The following TP53INP1 variants were observed in gnomAD, a reference collection of about 807,000 sequenced individuals.
TP53INP1 encodes the protein tumor protein p53 inducible nuclear protein 1.
TP53INP1 carries 12 observed loss-of-function variants against 21.0 expected under a neutral mutation model. The observed-to-expected ratio is 0.57, with a 90% confidence interval of 0.37 to 0.93. The LOEUF is 0.93. TP53INP1 is among the 40% of genes least tolerant of loss of function. The pLI is 0.01. For missense variants in TP53INP1, 274 were observed against 294.7 expected, an observed-to-expected ratio of 0.93 and a Z score of 0.51; for synonymous variants, 91 against 94.8, an observed-to-expected ratio of 0.96 and a Z score of 0.23.
In TP53INP1 at chr8:94,939,682, G is replaced by C. The variant is rs780224212; in HGVS notation, c.473+178C>G. The C allele has an allele frequency of 1.1e-5, 9 of 837,548 alleles. No individual in the cohort carries two copies. The African/African-American group carries it at 1.4e-4, about 13-fold the overall frequency. The allele number at this position is 837,548 out of a possible 1,614,324, so 51.9% of individuals were successfully genotyped here. ...CAAAGTGCTGGGATTACAGGTGTGA[G>C]ACACTGTGACTGGTCAACAAGTTAT... On this transcript the variant is annotated intron_variant, in intron 3 of 3. Transcript: ENST00000342697.
At chr8:94,938,040 A>G (rs1586725526) in intron 3 of TP53INP1, among the ~76,000 whole-genome samples, 1 of 152,200 alleles carries the variant, frequency 6.6e-6, no homozygotes, top group East Asian at 1.9e-4. Flanking sequence ...ATGAATAAAT[A>G]GGTTATGAAT....
In TP53INP1 at chr8:94,940,294, C is replaced by T. The variant is rs573396175; in HGVS notation, c.113-74G>A. 3.3e-6 allele frequency: 5 copies of T among 1,497,390 alleles called. No individual in the cohort carries two copies. The African/African-American group carries it at 4.2e-5, about 13-fold the overall frequency. 92.8% of individuals were successfully genotyped at this position (1,497,390 alleles called of 1,614,324 possible). On this transcript the variant is annotated intron_variant, in intron 2 of 3. Transcript: ENST00000342697. ...ACAGGAGGATGATTATCACATTGGG[C>T]AGTCATTATAAAGTCACCCATCAAA...
intron 1 of TP53INP1, among the ~76,000 whole-genome samples, 198 bp from the exon 2 acceptor site, chr8:94,941,289 A>T (rs1821507006): frequency 6.6e-6 from 1 of 152,184 alleles, no homozygotes; most frequent in Admixed American, 6.5e-5. Flanking sequence ...TTCAACCTAT[A>T]AATATCTTAA....
chr8:94,948,775 T>TGAGGAGGGGTGAGAG (rs1822252263), intron 1 of TP53INP1, among the ~76,000 whole-genome samples: 1 of 146,906 alleles, frequency 6.8e-6, no homozygotes, highest in South Asian at 2.2e-4. Flanking sequence ...TGGAGGGGAG[T>TGAGGAGGGGTGAGAG]GAGGAGGGGT....
chr8:94,942,250 C>T lies in TP53INP1; in HGVS notation c.-150-1159G>A, dbSNP rs145161800. ...GGAGACAGGGTTTCACCATGTTAGCCAGGATGGTCTCGATCTCCTGACCTC... is the reference window on the plus strand; with the variant it reads ...GGAGACAGGGTTTCACCATGTTAGCTAGGATGGTCTCGATCTCCTGACCTC... On this transcript the variant is annotated intron_variant, in intron 1 of 3. Coordinates refer to ENST00000342697, the MANE Select transcript of TP53INP1 (RefSeq NM_033285.4). Among the ~76,000 whole-genome samples the T allele has an allele frequency of 6.7e-3, 1,015 of 152,060 alleles. 9 individuals carry two copies. Among genetic ancestry groups the T allele is most frequent in the African/African-American group, 0.023 (958 of 41,474 alleles).
chr8:94,930,365 T>A lies in TP53INP1; in HGVS notation c.*114A>T, dbSNP rs1423681262. On this transcript the variant is annotated 3_prime_UTR_variant, in exon 4 of 4. Transcript: ENST00000342697. ...TAGTGTCTAAATACACTGATAAAACTATGTGATTGGTTATCAATTGGTTGT... is the reference window on the plus strand; with the variant it reads ...TAGTGTCTAAATACACTGATAAAACAATGTGATTGGTTATCAATTGGTTGT... The A allele has an allele frequency of 7.1e-6, 10 of 1,417,104 alleles. No individual in the cohort carries two copies. Among genetic ancestry groups the A allele is most frequent in the Admixed American group, 2.0e-5 (1 of 48,810 alleles). The allele number at this position is 1,417,104 out of a possible 1,614,324, so 87.8% of individuals were successfully genotyped here.
rs1368488579 is a variant in TP53INP1 at position 94,926,998 on chromosome 8, T to C, written c.*3481A>G. On this transcript the variant is annotated 3_prime_UTR_variant, in exon 4 of 4. Coordinates refer to ENST00000342697, the MANE Select transcript of TP53INP1 (RefSeq NM_033285.4). The stretch of plus-strand genomic sequence containing the variant: ...ACTTTTAACAGAGTTTAACCAGTAT[T>C]TATGGGCCTTATAAAATAAAAAGAT... 6.6e-6 allele frequency: 1 copy of C among 152,234 alleles called. No homozygotes were observed. Among genetic ancestry groups the C allele is most frequent in the Non-Finnish European group, 1.5e-5 (1 of 68,024 alleles). 9.4% of individuals were successfully genotyped at this position (152,234 alleles called of 1,614,324 possible).
chr8:94,928,366 T>C lies in TP53INP1; in HGVS notation c.*2113A>G, dbSNP rs2131300046. The C allele has an allele frequency of 6.6e-6, 1 of 152,400 alleles. No individual in the cohort carries two copies. The highest frequency in any genetic ancestry group is 2.1e-4 in the South Asian group (1 of 4,832). The allele number at this position is 152,400 out of a possible 1,614,324, so 9.4% of individuals were successfully genotyped here. The stretch of plus-strand genomic sequence containing the variant: ...TGCAATGTATGAAAAAGAGACGCCG[T>C]GTATTCAGAGTTTTACATCCTGAAG... On this transcript the variant is annotated 3_prime_UTR_variant, in exon 4 of 4. Coordinates refer to ENST00000342697, the MANE Select transcript of TP53INP1 (RefSeq NM_033285.4).
chr8:94,930,874 T>C, intron 3 of TP53INP1, 146 bp from the exon 4 acceptor site: 1 of 993,176 alleles, frequency 1.0e-6, no homozygotes, highest in Non-Finnish European at 1.4e-6. Flanking sequence ...GACAAGTTTA[T>C]TATTCTGTGA....
At chr8:94,934,923 A>G (rs1294564266) in intron 3 of TP53INP1, among the ~76,000 whole-genome samples, 1 of 152,200 alleles carries the variant, frequency 6.6e-6, no homozygotes, top group Non-Finnish European at 1.5e-5. Flanking sequence ...GCCTGGCATC[A>G]TGTAACATAA....
At chr8:94,941,145 A>G (rs995570570) in intron 1 of TP53INP1, 54 bp from the exon 2 acceptor site, 11 of 558,070 alleles carry the variant, frequency 2.0e-5, no homozygotes, top group South Asian at 1.1e-4. Context: ...ACATATATAC[A>G]TAAGTACATA....
intron 3 of TP53INP1, among the ~76,000 whole-genome samples, chr8:94,932,745 G>C (rs1820543893): frequency 6.6e-6 from 1 of 152,224 alleles, no homozygotes; most frequent in Non-Finnish European, 1.5e-5. Flanking sequence ...GGAGCTTGCA[G>C]TGAGCCGAGA....
At position 94,927,627 on chromosome 8, in the gene TP53INP1, T is replaced by G. The variant is rs1221959138; in HGVS notation, c.*2852A>C. ...AATAATGGATGGCTAATTTTCACCT[T>G]ACAGTGCAGTACACAATTAGTTGAG... On this transcript the variant is annotated 3_prime_UTR_variant, in exon 4 of 4. Transcript: ENST00000342697. 6.6e-6 allele frequency: 1 copy of G among 152,168 alleles called. No individual in the cohort carries two copies. Among genetic ancestry groups the G allele is most frequent in the African/African-American group, 2.4e-5 (1 of 41,428 alleles). 9.4% of individuals were successfully genotyped at this position (152,168 alleles called of 1,614,324 possible).
rs75710698 is a variant in TP53INP1 at position 94,935,766 on chromosome 8, T to C, written c.473+4094A>G. 7.4e-3 allele frequency among the ~76,000 whole-genome samples: 1,126 copies of C among 152,300 alleles called. 5 individuals are homozygous for C. Among genetic ancestry groups the C allele is most frequent in the African/African-American group, 0.026 (1,072 of 41,556 alleles). On this transcript the variant is annotated intron_variant, in intron 3 of 3. Coordinates refer to ENST00000342697, the MANE Select transcript of TP53INP1 (RefSeq NM_033285.4). ...GAGAACATAAAAATGCAAGGGTTGATAGAATTATGAAAGTTAGGATGTTTA... is the reference window on the plus strand; with the variant it reads ...GAGAACATAAAAATGCAAGGGTTGACAGAATTATGAAAGTTAGGATGTTTA...
intron 3 of TP53INP1, chr8:94,932,075 G>T (rs776515512): frequency 8.1e-6 from 13 of 1,609,978 alleles, no homozygotes; most frequent in Middle Eastern, 1.6e-4. Flanking sequence ...CTTACTCTGT[G>T]CCCGTGAGTC....
intron 3 of TP53INP1, among the ~76,000 whole-genome samples, chr8:94,936,645 T>A (rs1350905928): frequency 6.6e-6 from 1 of 152,114 alleles, no homozygotes; most frequent in African/African-American, 2.4e-5. Flanking sequence ...AATGAAAACC[T>A]GGACTTTTAA....
chr8:94,948,617 A>G (rs1586765785), intron 1 of TP53INP1, among the ~76,000 whole-genome samples: 3 of 152,146 alleles, frequency 2.0e-5, no homozygotes, highest in African/African-American at 7.2e-5. Context: ...AGGGGACGGG[A>G]TCGCAGGGCG....
At chr8:94,948,677 C>G (rs574141454) in intron 1 of TP53INP1, among the ~76,000 whole-genome samples, 1 of 152,262 alleles carries the variant, frequency 6.6e-6, no homozygotes, top group African/African-American at 2.4e-5. Flanking sequence ...TTCGGAGATG[C>G]GTCCCGGGGG....
At chr8:94,947,503 C>T (rs940352600) in intron 1 of TP53INP1, among the ~76,000 whole-genome samples, 3 of 152,148 alleles carry the variant, frequency 2.0e-5, no homozygotes, top group Non-Finnish European at 4.4e-5. Flanking sequence ...AAAAACCAAG[C>T]CAAGAAAGTT....
Sources: gnomAD v4.1 joint callset for allele counts (sites outside exome capture counted in the v4.1 genomes callset) on GRCh38, gnomAD v4.1.1 for gene constraint, MANE v1.5 for transcripts, NCBI Gene and HGNC (gene_info 2026-07-23, HGNC 2026-07-21) for gene names.